Variants in CNOT4 observed in about 807,000 individuals in gnomAD.
CNOT4 encodes CCR4-NOT transcription complex subunit 4.
In CNOT4, 8 loss-of-function variants were observed where a neutral mutation model predicts 73.8. That is an observed-to-expected ratio of 0.11 (90% CI 0.06 to 0.20). CNOT4 has a LOEUF of 0.20. CNOT4 is among the 10% of genes least tolerant of loss of function. The pLI is 1.00. For synonymous variants in CNOT4, 293 were observed against 321.1 expected (o/e 0.91, Z 0.94); for missense variants, 564 against 883.4 (o/e 0.64, Z 4.58).
Position 135,418,173 on chromosome 7 carries a change from C to T in CNOT4, c.373-2911G>A, listed in dbSNP as rs142649395. Among the ~76,000 whole-genome samples the T allele has an allele frequency of 7.4e-4, 112 of 152,198 alleles. 1 individual carries two copies. The highest frequency in any genetic ancestry group is 2.4e-3 in the African/African-American group (99 of 41,538). On this transcript the variant is annotated intron_variant, in intron 3 of 11. Coordinates refer to ENST00000541284, the MANE Select transcript of CNOT4 (RefSeq NM_001190850.2). The stretch of plus-strand genomic sequence containing the variant: ...CCTCAAAGTATTAGCAAATGGCAAG[C>T]GGTTGATAAGAAATAGGCTGCCCAG...
In CNOT4 at chr7:135,395,688, G is replaced by C; in HGVS notation, c.1075C>G (p.Gln359Glu). The C allele has an allele frequency of 6.2e-7, 1 of 1,614,154 alleles. No individual in the cohort carries two copies. The highest frequency in any genetic ancestry group is 8.5e-7 in the Non-Finnish European group (1 of 1,180,004). ...SGLPPFPSSPQTSSDWPTAPE... is the reference protein window; with the variant it reads ...SGLPPFPSSPETSSDWPTAPE... The stretch of plus-strand genomic sequence containing the variant: ...GCTGTAGGCCAGTCACTGGATGTCT[G>C]TGGGGAGCTGGGGAAAGGAGGAAGC... The change falls in exon 9 of 12, where the codon CAG becomes GAG. Residue 359 changes from glutamine (Q) to glutamate (E), a missense_variant. Around this residue, in one of 10 missense-constraint regions of CNOT4, gnomAD observed 135 missense variants for 154.0 expected, o/e 0.88. Transcript: ENST00000541284.
chr7:135,464,277 G>C (rs1198658534), intron 1 of CNOT4, among the ~76,000 whole-genome samples: 1 of 152,048 alleles, frequency 6.6e-6, no homozygotes, highest in Non-Finnish European at 1.5e-5. Flanking sequence ...CAAACACGTG[G>C]AATCAACCTA....
intron 1 of CNOT4, among the ~76,000 whole-genome samples, chr7:135,492,346 T>C (rs1057355271): frequency 1.3e-5 from 2 of 152,144 alleles, no homozygotes; most frequent in African/African-American, 4.8e-5. Context: ...TTGATTTACC[T>C]AAGATTGAGG....
At chr7:135,384,269 C>G (rs762120855) in intron 10 of CNOT4, 3 of 164,570 alleles carry the variant, frequency 1.8e-5, no homozygotes, top group African/African-American at 2.4e-5. Flanking sequence ...GAGGAAGATA[C>G]AGCCCACCTC....
chr7:135,396,802 G>A (rs756122989), intron 8 of CNOT4, among the ~76,000 whole-genome samples: 4 of 151,914 alleles, frequency 2.6e-5, no homozygotes, highest in African/African-American at 9.7e-5. Flanking sequence ...TAAAAAACAC[G>A]ACTAGATTGC....
chr7:135,378,520 A>G (rs1235725433), intron 10 of CNOT4, among the ~76,000 whole-genome samples: 14 of 10,250 alleles, frequency 1.4e-3, no homozygotes, highest in Non-Finnish European at 2.2e-3. Context: ...GAGAGAAGGA[A>G]AAAAAAAAAA....
At chr7:135,426,744 G>A (rs1175421865) in intron 2 of CNOT4, among the ~76,000 whole-genome samples, 1 of 151,946 alleles carries the variant, frequency 6.6e-6, no homozygotes, top group African/African-American at 2.4e-5. Flanking sequence ...CCAACATGGT[G>A]AAACCCTGTT....
chr7:135,468,275 C>T (rs1343291111), intron 1 of CNOT4, among the ~76,000 whole-genome samples: 1 of 151,886 alleles, frequency 6.6e-6, no homozygotes, highest in Non-Finnish European at 1.5e-5. Flanking sequence ...TTACAGATCA[C>T]TTGATGTGTG....
intron 1 of CNOT4, among the ~76,000 whole-genome samples, chr7:135,490,563 C>T (rs939700561): frequency 2.6e-5 from 4 of 152,254 alleles, no homozygotes; most frequent in South Asian, 4.1e-4. Flanking sequence ...TATGTCTTTT[C>T]GTGCATATGG....
At chr7:135,428,628 T>G (rs1216408814) in intron 2 of CNOT4, among the ~76,000 whole-genome samples, 1 of 151,688 alleles carries the variant, frequency 6.6e-6, no homozygotes, top group African/African-American at 2.4e-5. Flanking sequence ...TATTCGCACA[T>G]GAGGACAGGT....
chr7:135,485,216 G>A (rs534977004), intron 1 of CNOT4, among the ~76,000 whole-genome samples: 8 of 152,068 alleles, frequency 5.3e-5, no homozygotes, highest in South Asian at 2.1e-4. Context: ...GGGATTACAG[G>A]TGCGTGCCGC....
intron 8 of CNOT4, among the ~76,000 whole-genome samples, chr7:135,397,241 G>A (rs937705459): frequency 6.6e-6 from 1 of 152,032 alleles, no homozygotes; most frequent in Non-Finnish European, 1.5e-5. Context: ...GAGAGCATGT[G>A]TATTTTTTTA....
intron 1 of CNOT4, among the ~76,000 whole-genome samples, chr7:135,469,311 T>C (rs866613415): frequency 1.1e-4 from 17 of 152,280 alleles, no homozygotes; most frequent in African/African-American, 3.8e-4. Context: ...ATCAGACATA[T>C]TTAGTATTTA....
intron 3 of CNOT4, among the ~76,000 whole-genome samples, chr7:135,421,093 C>T (rs1234807356): frequency 6.6e-6 from 1 of 152,138 alleles, no homozygotes; most frequent in East Asian, 1.9e-4. Flanking sequence ...CCCTGACTTT[C>T]GCGGGGTCAA....
At chr7:135,472,542 TATATATATATATATATAA>T (rs1801697960) in intron 1 of CNOT4, among the ~76,000 whole-genome samples, 1 of 71,144 alleles carries the variant, frequency 1.4e-5, no homozygotes, top group Non-Finnish European at 2.4e-5. Context: ...TATATATATA[TATATATATATATATATAA>T]AGTGATCCTC....
intron 10 of CNOT4, chr7:135,387,274 T>C: frequency 1.0e-6 from 1 of 985,080 alleles, no homozygotes; most frequent in Non-Finnish European, 1.2e-6. Context: ...TTTACAAAAA[T>C]AACTTAAATG....
intron 1 of CNOT4, among the ~76,000 whole-genome samples, chr7:135,480,724 G>T (rs904499475): frequency 1.3e-5 from 2 of 151,984 alleles, no homozygotes; most frequent in Admixed American, 6.6e-5. Context: ...CTTCCATTTT[G>T]TTCCTGGCTA....
chr7:135,372,555 GTT>G (rs10617849), intron 10 of CNOT4, among the ~76,000 whole-genome samples: 5,007 of 119,116 alleles, frequency 0.042, 223 homozygotes, highest in African/African-American at 0.13. Context: ...TTGCTACCAT[GTT>G]TTTTTTTTTT....
intron 2 of CNOT4, among the ~76,000 whole-genome samples, chr7:135,423,360 C>CAA (rs750892116): frequency 3.7e-5 from 4 of 109,488 alleles, no homozygotes; most frequent in Non-Finnish European, 5.9e-5. Context: ...AATGCCAAAC[C>CAA]AAAAAAAAAA....
Sources: allele counts gnomAD v4.1 joint callset (sites outside exome capture counted in the v4.1 genomes callset), GRCh38; gene constraint gnomAD v4.1.1; regional missense constraint gnomAD v4.1.1; transcripts MANE v1.5; gene names NCBI Gene and HGNC (gene_info 2026-07-23, HGNC 2026-07-21).